Variants in BCL2L2 observed in about 807,000 individuals in gnomAD.
The protein encoded by BCL2L2 is BCL2 like 2, also known as bcl-2-like protein 2.
A neutral mutation model predicts 14.6 loss-of-function variants in BCL2L2; 6 were observed. That is an observed-to-expected ratio of 0.41 (90% CI 0.22 to 0.81). The LOEUF (loss-of-function observed/expected upper bound fraction) is 0.81. Ranked by LOEUF, BCL2L2 falls within the 30% of genes least tolerant of loss-of-function variation. BCL2L2 has a pLI of 0.32. For synonymous variants in BCL2L2, 90 were observed against 108.5 expected, an observed-to-expected ratio of 0.83 and a Z score of 1.06; for missense variants, 191 against 260.5, an observed-to-expected ratio of 0.73 and a Z score of 1.84.
At position 23,309,619 on chromosome 14, in the gene BCL2L2, G is replaced by A. The variant is rs1013911004; in HGVS notation, c.*654G>A. 19 of 985,450 alleles carry A rather than the reference G, an allele frequency of 1.9e-5. No individual in the cohort carries two copies. The African/African-American group carries it at 2.6e-4, about 14-fold the overall frequency. 61.0% of individuals were successfully genotyped at this position (985,450 alleles called of 1,614,324 possible). ...GCCTCAAGGCTTAGAGAGAAACATT[G>A]TATCCAGACCGAGGGCTCTGCTGCT... On this transcript the variant is annotated 3_prime_UTR_variant, in exon 4 of 4. Coordinates refer to ENST00000250405, the MANE Select transcript of BCL2L2 (RefSeq NM_004050.5).
chr14:23,309,670 C>T lies in BCL2L2; in HGVS notation c.*705C>T. On this transcript the variant is annotated 3_prime_UTR_variant, in exon 4 of 4. Transcript: ENST00000250405. Reference sequence around the variant, plus strand: ...TCTTTCCAGAAAGTGATTGGCAAGGCTTTGGAGAGAAGAGCAGTTCTGCAG... The same window carrying T: ...TCTTTCCAGAAAGTGATTGGCAAGGTTTTGGAGAGAAGAGCAGTTCTGCAG... 6 of 985,678 alleles carry T rather than the reference C, an allele frequency of 6.1e-6. No homozygotes were observed. The highest frequency in any genetic ancestry group is 7.2e-6 in the Non-Finnish European group (6 of 830,094). 61.1% of individuals were successfully genotyped at this position (985,678 alleles called of 1,614,324 possible).
At position 23,309,459 on chromosome 14, in the gene BCL2L2, A is replaced by T; in HGVS notation, c.*494A>T. The T allele has an allele frequency of 1.0e-6, 1 of 987,116 alleles. No homozygotes were observed. Among genetic ancestry groups the T allele is most frequent in the Non-Finnish European group, 1.2e-6 (1 of 831,040 alleles). The allele number at this position is 987,116 out of a possible 1,614,324, so 61.1% of individuals were successfully genotyped here. ...TGCATGTGCACGCATGCTGGTGTGCATGCTGGGCTGCCTGGCAAATCTGGT... is the reference window on the plus strand; with the variant it reads ...TGCATGTGCACGCATGCTGGTGTGCTTGCTGGGCTGCCTGGCAAATCTGGT... On this transcript the variant is annotated 3_prime_UTR_variant, in exon 4 of 4. Transcript: ENST00000250405.
rs531700522 is a variant in BCL2L2, at chr14:23,308,243, G to T, written c.432+44G>T. 8 of 1,542,538 alleles carry T rather than the reference G, an allele frequency of 5.2e-6. No homozygotes were observed. In the South Asian group the frequency reaches 9.9e-5, roughly 19 times the overall value. On this transcript the variant is annotated intron_variant, in intron 3 of 3. Transcript: ENST00000250405. The surrounding 1 kb of genome is among the most constrained non-coding windows in gnomAD (Gnocchi z 5.4). ...GCCGCTCTGCACATCCTTCTGCAAA[G>T]CTGGTCTCCAGGGGGAAGATGGGGG...
Position 23,310,532 on chromosome 14 carries a change from T to A in BCL2L2, c.*1567T>A. ...GTGGGACCAAATTGGCCTCAGGTGT[T>A]GAGTCCAGACTTCTGCTTTTGAGAG... On this transcript the variant is annotated 3_prime_UTR_variant, in exon 4 of 4. Transcript: ENST00000250405. 9.6e-7 allele frequency: 1 copy of A among 1,044,722 alleles called. No individual in the cohort carries two copies. 64.7% of individuals were successfully genotyped at this position (1,044,722 alleles called of 1,614,324 possible). A position where few individuals can be genotyped will look rare whatever the true frequency, so the allele number is the denominator to read the frequency against.
chr14:23,309,943 G>C lies in BCL2L2; in HGVS notation c.*978G>C, dbSNP rs1173256472. The C allele has an allele frequency of 6.1e-6, 6 of 985,312 alleles. No homozygotes were observed. Among genetic ancestry groups the C allele is most frequent in the African/African-American group, 1.7e-5 (1 of 57,224 alleles). The allele number at this position is 985,312 out of a possible 1,614,324, so 61.0% of individuals were successfully genotyped here. A position where few individuals can be genotyped will look rare whatever the true frequency, so the allele number is the denominator to read the frequency against. ...AACTAATTTTCCTTTTGAGGTTGTGGGCATAAGTGCTGATCTAGAATACAG... is the reference window on the plus strand; with the variant it reads ...AACTAATTTTCCTTTTGAGGTTGTGCGCATAAGTGCTGATCTAGAATACAG... On this transcript the variant is annotated 3_prime_UTR_variant, in exon 4 of 4. Transcript: ENST00000250405.
Position 23,309,480 on chromosome 14 carries a change from C to T in BCL2L2, c.*515C>T. On this transcript the variant is annotated 3_prime_UTR_variant, in exon 4 of 4. Transcript: ENST00000250405. ...GTGCATGCTGGGCTGCCTGGCAAATCTGGTGGTGATGGGATTCCTCAAGGA... is the reference window on the plus strand; with the variant it reads ...GTGCATGCTGGGCTGCCTGGCAAATTTGGTGGTGATGGGATTCCTCAAGGA... 9 of 986,636 alleles carry T rather than the reference C, an allele frequency of 9.1e-6. No homozygotes were observed. The highest frequency in any genetic ancestry group is 1.1e-5 in the Non-Finnish European group (9 of 830,714). The allele number at this position is 986,636 out of a possible 1,614,324, so 61.1% of individuals were successfully genotyped here.
At position 23,311,699 on chromosome 14, in the gene BCL2L2, T is replaced by C; in HGVS notation, c.*2734T>C. 1 of 935,116 alleles carries C rather than the reference T, an allele frequency of 1.1e-6. No individual in the cohort carries two copies. The allele number at this position is 935,116 out of a possible 1,614,324, so 57.9% of individuals were successfully genotyped here. A position where few individuals can be genotyped will look rare whatever the true frequency, so the allele number is the denominator to read the frequency against. On this transcript the variant is annotated 3_prime_UTR_variant, in exon 4 of 4. Transcript: ENST00000250405. Reference sequence around the variant, plus strand: ...TCATTTGACTTTTATTTTTGTGTAATATGTAATGATCGTATTAAAAACAAT... The same window carrying C: ...TCATTTGACTTTTATTTTTGTGTAACATGTAATGATCGTATTAAAAACAAT...
intron 2 of BCL2L2, 102 bp from the exon 3 acceptor site, chr14:23,307,658 T>G: frequency 6.9e-7 from 1 of 1,449,040 alleles, no homozygotes; most frequent in Non-Finnish European, 9.2e-7. Context: ...CCTGAGCATT[T>G]CCTCTCTCCT....
Position 23,310,085 on chromosome 14 carries a change from G to A in BCL2L2, c.*1120G>A. ...CTCCAGGACTGGCCTATGCTGTGTT[G>A]TGGGCTTTGGTTCGGCTTTATCAGG... On this transcript the variant is annotated 3_prime_UTR_variant, in exon 4 of 4. Coordinates refer to ENST00000250405, the MANE Select transcript of BCL2L2 (RefSeq NM_004050.5). 1.0e-6 allele frequency: 1 copy of A among 985,492 alleles called. No individual in the cohort carries two copies. 61.0% of individuals were successfully genotyped at this position (985,492 alleles called of 1,614,324 possible).
rs770928859 is a variant in BCL2L2, at chr14:23,308,096, G to A, written c.329G>A (p.Ser110Asn). Residue 110 changes from serine to asparagine, a missense_variant, in exon 3 of 4, where the codon AGT (serine) becomes AAT (asparagine). Coordinates refer to ENST00000250405, the MANE Select transcript of BCL2L2 (RefSeq NM_004050.5). The surrounding 1 kb of genome is among the most constrained non-coding windows in gnomAD (Gnocchi z 5.4). The stretch of plus-strand genomic sequence containing the variant: ...TTTGGGGCTGCACTGTGTGCTGAGA[G>A]TGTCAACAAGGAGATGGAACCACTG... ...FVFGAALCAE[S>N]VNKEMEPLVG... is the part of the protein sequence containing the mutation. 18 of 1,613,950 alleles carry A rather than the reference G, an allele frequency of 1.1e-5. No homozygotes were observed. Among genetic ancestry groups the A allele is most frequent in the Non-Finnish European group, 8.5e-6 (10 of 1,180,044 alleles).
At position 23,309,264 on chromosome 14, in the gene BCL2L2, G is replaced by A. The variant is rs1237054156; in HGVS notation, c.*299G>A. On this transcript the variant is annotated 3_prime_UTR_variant, in exon 4 of 4. Coordinates refer to ENST00000250405, the MANE Select transcript of BCL2L2 (RefSeq NM_004050.5). ...AGGTGTGGGCACATGAAACGACCTGGAACTTGCTTCACAGCCCTGAGGAAG... is the reference window on the plus strand; with the variant it reads ...AGGTGTGGGCACATGAAACGACCTGAAACTTGCTTCACAGCCCTGAGGAAG... The A allele has an allele frequency of 8.6e-7, 1 of 1,167,118 alleles. No homozygotes were observed. Among genetic ancestry groups the A allele is most frequent in the East Asian group, 3.9e-5 (1 of 25,698 alleles). 72.3% of individuals were successfully genotyped at this position (1,167,118 alleles called of 1,614,324 possible). A position where few individuals can be genotyped will look rare whatever the true frequency, so the allele number is the denominator to read the frequency against.
chr14:23,308,601 G>A lies in BCL2L2; in HGVS notation c.433-215G>A, dbSNP rs1887406503. Reference sequence around the variant, plus strand: ...GAAAGGATGGAATTCACTGGAGGCAGAGTGGGCAGATGAACCAGTCTCTCA... The same window carrying A: ...GAAAGGATGGAATTCACTGGAGGCAAAGTGGGCAGATGAACCAGTCTCTCA... On this transcript the variant is annotated intron_variant, in intron 3 of 3. Transcript: ENST00000250405. This position sits in a 1 kb window ranked among gnomAD's most constrained non-coding sequence, Gnocchi z 5.4. 6.6e-6 allele frequency among the ~76,000 whole-genome samples: 1 copy of A among 152,144 alleles called. No homozygotes were observed. Among genetic ancestry groups the A allele is most frequent in the Non-Finnish European group, 1.5e-5 (1 of 68,028 alleles).
rs1594979152 is a variant in BCL2L2, at chr14:23,309,008, A to G, written c.*43A>G. The G allele has an allele frequency of 7.6e-7, 1 of 1,320,290 alleles. No individual in the cohort carries two copies. Among genetic ancestry groups the G allele is most frequent in the Non-Finnish European group, 9.7e-7 (1 of 1,026,368 alleles). 81.8% of individuals were successfully genotyped at this position (1,320,290 alleles called of 1,614,324 possible). ...GGGCTAGGTGTGGCTGGGGGCCAGG[A>G]GAGCAGGAACAGAACAGAGAAATGC... On this transcript the variant is annotated 3_prime_UTR_variant, in exon 4 of 4. Transcript: ENST00000250405.
chr14:23,308,648 G>A lies in BCL2L2; in HGVS notation c.433-168G>A, dbSNP rs1384079114. On this transcript the variant is annotated intron_variant, in intron 3 of 3. Transcript: ENST00000250405. The surrounding 1 kb of genome is among the most constrained non-coding windows in gnomAD (Gnocchi z 5.4). The stretch of plus-strand genomic sequence containing the variant: ...CTCAGGGTGGGGGTGCACCTGGGGG[G>A]ATCAGAGGGGCTTGCAGGGAGAAGA... Among the ~76,000 whole-genome samples, 1 of 152,112 alleles carries A rather than the reference G, an allele frequency of 6.6e-6. No homozygotes were observed.
In BCL2L2 at chr14:23,310,374, CT is replaced by C; in HGVS notation, c.*1412del. 1 of 989,030 alleles carries C rather than the reference CT, an allele frequency of 1.0e-6. No individual in the cohort carries two copies. The highest frequency in any genetic ancestry group is 5.2e-4 in the Middle Eastern group (1 of 1,918). The allele number at this position is 989,030 out of a possible 1,614,324, so 61.3% of individuals were successfully genotyped here. A position where few individuals can be genotyped will look rare whatever the true frequency, so the allele number is the denominator to read the frequency against. ...TAAGATTGCTGCTCTCCAATGCTAA[CT>C]TTCTGACACAGTGCTCTAGAACCCT... On this transcript the variant is annotated 3_prime_UTR_variant, in exon 4 of 4. Coordinates refer to ENST00000250405, the MANE Select transcript of BCL2L2 (RefSeq NM_004050.5).
Position 23,310,153 on chromosome 14 carries a change from G to A in BCL2L2, c.*1188G>A, listed in dbSNP as rs543708304. 1,416 of 985,646 alleles carry A rather than the reference G, an allele frequency of 1.4e-3. No individual in the cohort carries two copies. The highest frequency in any genetic ancestry group is 3.1e-3 in the Middle Eastern group (6 of 1,914). 61.1% of individuals were successfully genotyped at this position (985,646 alleles called of 1,614,324 possible). On this transcript the variant is annotated 3_prime_UTR_variant, in exon 4 of 4. Transcript: ENST00000250405. ...CTAGAGTACCTACCATGACCTAGAAGCATTTATGATTTATTTGAAGCCACA... is the reference window on the plus strand; with the variant it reads ...CTAGAGTACCTACCATGACCTAGAAACATTTATGATTTATTTGAAGCCACA...
Position 23,309,689 on chromosome 14 carries a change from T to G in BCL2L2, c.*724T>G. On this transcript the variant is annotated 3_prime_UTR_variant, in exon 4 of 4. Transcript: ENST00000250405. ...GCAAGGCTTTGGAGAGAAGAGCAGT[T>G]CTGCAGCTGGCCTTGTTCCTTCATC... 1 of 985,676 alleles carries G rather than the reference T, an allele frequency of 1.0e-6. No homozygotes were observed. Among genetic ancestry groups the G allele is most frequent in the Non-Finnish European group, 1.2e-6 (1 of 830,068 alleles). The allele number at this position is 985,676 out of a possible 1,614,324, so 61.1% of individuals were successfully genotyped here.
Position 23,307,881 on chromosome 14 carries a change from A to C in BCL2L2, c.114A>C (p.Ala38=). The change falls in exon 3 of 4, where the codon GCA becomes GCC. Residue 38 remains alanine, a synonymous_variant. Transcript: ENST00000250405. ...VCGAGPGEGP[A]ADPLHQAMRA... ...GAGCTGGCCCCGGGGAGGGCCCAGC[A>C]GCTGACCCGCTGCACCAAGCCATGC... 6.2e-7 allele frequency: 1 copy of C among 1,612,704 alleles called. No individual in the cohort carries two copies. Among genetic ancestry groups the C allele is most frequent in the Non-Finnish European group, 8.5e-7 (1 of 1,179,490 alleles).
chr14:23,311,478 G>A lies in BCL2L2; in HGVS notation c.*2513G>A, dbSNP rs931694160. ...TAGGGACTTTGTTTAGGCCAAGGAA[G>A]GAGCGGAAGTAGGGCAACTCGGTCC... On this transcript the variant is annotated 3_prime_UTR_variant, in exon 4 of 4. Coordinates refer to ENST00000250405, the MANE Select transcript of BCL2L2 (RefSeq NM_004050.5). 2.0e-6 allele frequency: 2 copies of A among 1,015,786 alleles called. No homozygotes were observed. The highest frequency in any genetic ancestry group is 3.5e-5 in the African/African-American group (2 of 57,350). 62.9% of individuals were successfully genotyped at this position (1,015,786 alleles called of 1,614,324 possible).
Sources: gnomAD v4.1 joint callset for allele counts (sites outside exome capture counted in the v4.1 genomes callset) on GRCh38, gnomAD v4.1.1 for gene constraint, Gnocchi (gnomAD v3.1) non-coding constraint, MANE v1.5 for transcripts, NCBI Gene and HGNC (gene_info 2026-07-23, HGNC 2026-07-21) for gene names.